Variants in WDR37 observed in about 807,000 individuals in gnomAD.
WDR37 encodes the protein WD repeat domain 37.
A neutral mutation model predicts 62.9 loss-of-function variants in WDR37; 19 were observed. The observed-to-expected ratio is 0.30, with a 90% confidence interval of 0.21 to 0.44. WDR37 has a LOEUF of 0.44. Ranked by LOEUF, WDR37 falls within the 20% of genes least tolerant of loss-of-function variation. WDR37 has a pLI of 1.00. For synonymous variants in WDR37, 250 were observed against 260.9 expected (o/e 0.96, Z 0.40); for missense variants, 474 against 657.6 (o/e 0.72, Z 3.05).
chr10:1,062,721 G>A (rs984357986), intron 1 of WDR37, among the ~76,000 whole-genome samples: 2 of 152,134 alleles, frequency 1.3e-5, no homozygotes, highest in African/African-American at 2.4e-5. Context: ...TTCTGCTTGC[G>A]GAAAGATGGA....
In WDR37 at chr10:1,062,055, T is replaced by C. The variant is rs1403097186; in HGVS notation, c.-41+5087T>C. On this transcript the variant is annotated intron_variant, in intron 1 of 13. Transcript: ENST00000263150. ...GACTGAGTTTCCATGGAGGATGTGGTGTGAAAGGAAGGAAGTGGTGATAGG... is the reference window on the plus strand; with the variant it reads ...GACTGAGTTTCCATGGAGGATGTGGCGTGAAAGGAAGGAAGTGGTGATAGG... Among the ~76,000 whole-genome samples the C allele has an allele frequency of 2.7e-5, 4 of 150,080 alleles. No individual in the cohort carries two copies. In the East Asian group the frequency reaches 7.8e-4, roughly 29 times the overall value.
intron 1 of WDR37, among the ~76,000 whole-genome samples, chr10:1,070,850 A>T (rs553114178): frequency 4.6e-5 from 7 of 152,366 alleles, no homozygotes; most frequent in African/African-American, 1.7e-4. Flanking sequence ...TAGAAAAGGA[A>T]TCATTCTATA....
rs1283664242 is a variant in WDR37 at position 1,087,052 on chromosome 10, C to T, written c.604+695C>T. 2.0e-5 allele frequency among the ~76,000 whole-genome samples: 3 copies of T among 152,246 alleles called. No homozygotes were observed. The East Asian group carries it at 5.8e-4, about 29-fold the overall frequency. On this transcript the variant is annotated intron_variant, in intron 7 of 13. Transcript: ENST00000263150. ...TGTGGGTGGGGCCCGTGGCTCTGAG[C>T]GCCTGTCTGCCCGTCCACAGGGCCC...
Position 1,072,271 on chromosome 10 carries a change from C to T in WDR37, c.116C>T (p.Pro39Leu). 6.2e-7 allele frequency: 1 copy of T among 1,613,978 alleles called. No individual in the cohort carries two copies. Among genetic ancestry groups the T allele is most frequent in the Non-Finnish European group, 8.5e-7 (1 of 1,179,960 alleles). Residue 39 changes from proline to leucine, a missense_variant, in exon 2 of 14, where the codon CCA (proline) becomes CTA (leucine). Transcript: ENST00000263150. ...NSSEQERTGL[P>L]RDMLEGQDSK... ...TCGGAGCAGGAGAGGACGGGACTGC[C>T]AAGAGACATGTTAGAAGGACAAGTA...
chr10:1,107,771 C>T (rs1564509489), intron 11 of WDR37, among the ~76,000 whole-genome samples: 1 of 151,946 alleles, frequency 6.6e-6, no homozygotes, highest in African/African-American at 2.4e-5. Context: ...ACGCACTACC[C>T]TGTCACCTAG....
At chr10:1,092,526 G>T (rs956737626) in intron 7 of WDR37, among the ~76,000 whole-genome samples, 1 of 151,832 alleles carries the variant, frequency 6.6e-6, no homozygotes, top group African/African-American at 2.4e-5. Flanking sequence ...GCCTGCCACA[G>T]TGCCCATCTA....
chr10:1,126,395 G>C (rs1472349813), intron 13 of WDR37, among the ~76,000 whole-genome samples: 1 of 140,246 alleles, frequency 7.1e-6, no homozygotes, highest in Non-Finnish European at 1.5e-5. Flanking sequence ...GACAGAGCGA[G>C]ACTGTGTCTC....
intron 9 of WDR37, among the ~76,000 whole-genome samples, chr10:1,099,372 G>C (rs1834713434): frequency 6.6e-6 from 1 of 152,184 alleles, no homozygotes; most frequent in South Asian, 2.1e-4. Flanking sequence ...GTTTGTATTG[G>C]GCTGTGATTG....
At chr10:1,126,257 TC>T (rs1237234800) in intron 13 of WDR37, among the ~76,000 whole-genome samples, 4 of 151,942 alleles carry the variant, frequency 2.6e-5, no homozygotes, top group African/African-American at 9.7e-5. Flanking sequence ...TACAAAAAAA[TC>T]AGCCAGGCGT....
At chr10:1,096,138 C>G in intron 8 of WDR37, 32 bp from the exon 9 acceptor site, 1 of 1,611,702 alleles carries the variant, frequency 6.2e-7, no homozygotes. Context: ...TGGTCTGTGC[C>G]TTGGGTAATT....
At chr10:1,120,189 C>T (rs1350550381) in intron 11 of WDR37, among the ~76,000 whole-genome samples, 3 of 152,240 alleles carry the variant, frequency 2.0e-5, no homozygotes, top group South Asian at 2.1e-4. Context: ...TGAGAAAGGC[C>T]GGGATGGAGC....
intron 6 of WDR37, 149 bp downstream of exon 6, chr10:1,084,687 GTGA>G (rs1231605195): frequency 8.5e-7 from 1 of 1,177,492 alleles, no homozygotes; most frequent in African/African-American, 1.5e-5. Context: ...TTAACCCTTG[GTGA>G]TGCTTAGTGT....
At position 1,073,023 on chromosome 10, in the gene WDR37, C is replaced by T. The variant is rs548212320; in HGVS notation, c.138+730C>T. On this transcript the variant is annotated intron_variant, in intron 2 of 13. Coordinates refer to ENST00000263150, the MANE Select transcript of WDR37 (RefSeq NM_014023.4). ...TGCTTAGGTTTATCCTTGTCTCTGC[C>T]GCCATGAGTATGTCATTCTTGGATT... Among the ~76,000 whole-genome samples the T allele has an allele frequency of 9.9e-5, 15 of 152,172 alleles. No individual in the cohort carries two copies. In the South Asian group the frequency reaches 1.9e-3, roughly 19 times the overall value.
chr10:1,123,195 C>T lies in WDR37; in HGVS notation c.1104-1023C>T, dbSNP rs1487407114. ...AATTATTATTTTGGATTTATAGAAG[C>T]AGGTTCCAAGAGTGGTTGTGATGTT... On this transcript the variant is annotated intron_variant, in intron 11 of 13. Coordinates refer to ENST00000263150, the MANE Select transcript of WDR37 (RefSeq NM_014023.4). Among the ~76,000 whole-genome samples the T allele has an allele frequency of 3.9e-5, 6 of 152,274 alleles. No individual in the cohort carries two copies. The East Asian group carries it at 1.2e-3, about 29-fold the overall frequency.
At chr10:1,096,604 A>G (rs1834587140) in intron 9 of WDR37, 1 of 262,022 alleles carries the variant, frequency 3.8e-6, no homozygotes. Flanking sequence ...CAGCACTGTG[A>G]GAAAATAAAT....
rs1193271467 is a variant in WDR37 at position 1,104,142 on chromosome 10, T to TGACGGCCTCATGGTTTCCCA, written c.961+308_961+327dup. Among the ~76,000 whole-genome samples, 13 of 152,338 alleles carry TGACGGCCTCATGGTTTCCCA rather than the reference T, an allele frequency of 8.5e-5. No homozygotes were observed. In the East Asian group the frequency reaches 2.5e-3, roughly 29 times the overall value. On this transcript the variant is annotated intron_variant, in intron 10 of 13. Coordinates refer to ENST00000263150, the MANE Select transcript of WDR37 (RefSeq NM_014023.4). ...CTTAGTGTCTTAAAACGACAGGAAT[T>TGACGGCCTCATGGTTTCCCA]GACGGCCTCATGGTTTCCCAGGTCA...
chr10:1,065,339 A>G (rs1003038311), intron 1 of WDR37, among the ~76,000 whole-genome samples: 4 of 152,252 alleles, frequency 2.6e-5, no homozygotes, highest in African/African-American at 7.2e-5. Context: ...GTAGACTACA[A>G]TAAGCTGTAA....
At position 1,105,459 on chromosome 10, in the gene WDR37, G is replaced by A. The variant is rs978679293; in HGVS notation, c.1103+192G>A. Among the ~76,000 whole-genome samples, 3 of 152,134 alleles carry A rather than the reference G, an allele frequency of 2.0e-5. No individual in the cohort carries two copies. The highest frequency in any genetic ancestry group is 4.4e-5 in the Non-Finnish European group (3 of 68,032). On this transcript the variant is annotated intron_variant, in intron 11 of 13. Coordinates refer to ENST00000263150, the MANE Select transcript of WDR37 (RefSeq NM_014023.4). This position sits in a 1 kb window ranked among gnomAD's most constrained non-coding sequence, Gnocchi z 5.3. ...ATTTTGGCTATTTCAAAGGATGTAG[G>A]AGATTAAGAGAAGGCACCCTCCGAA...
In WDR37 at chr10:1,103,522, A is replaced by G. The variant is rs1834892831; in HGVS notation, c.727-80A>G. The G allele has an allele frequency of 4.2e-6, 6 of 1,430,290 alleles. No homozygotes were observed. The highest frequency in any genetic ancestry group is 5.8e-6 in the Non-Finnish European group (6 of 1,038,724). The allele number at this position is 1,430,290 out of a possible 1,614,324, so 88.6% of individuals were successfully genotyped here. On this transcript the variant is annotated intron_variant, in intron 9 of 13. Transcript: ENST00000263150. This position sits in a 1 kb window ranked among gnomAD's most constrained non-coding sequence, Gnocchi z 6.3. ...TGTCCTCAAGAGATTAATGAGAACC[A>G]TCTATTTTGTAGCTATGTCAGAAGA...
Sources: allele counts gnomAD v4.1 joint callset (sites outside exome capture counted in the v4.1 genomes callset), GRCh38; gene constraint gnomAD v4.1.1; non-coding constraint Gnocchi (gnomAD v3.1); transcripts MANE v1.5; gene names NCBI Gene and HGNC (gene_info 2026-07-23, HGNC 2026-07-21).